The following TDRD1 variants were observed in gnomAD, a reference collection of about 807,000 sequenced individuals.
The protein encoded by TDRD1 is tudor domain containing 1.
In TDRD1, 37 loss-of-function variants were observed where a neutral mutation model predicts 140.6. The observed-to-expected ratio is 0.26, with a 90% CI of 0.20 to 0.35. The LOEUF is 0.35. TDRD1 is among the 10% of genes least tolerant of loss of function. The pLI is 1.00. For synonymous variants in TDRD1, 506 were observed against 475.7 expected (o/e 1.06, Z -0.83); for missense variants, 1,243 against 1,393.0 (o/e 0.89, Z 1.71).
intron 22 of TDRD1, 71 bp downstream of exon 22, chr10:114,226,287 C>G: frequency 9.0e-7 from 1 of 1,108,326 alleles, no homozygotes; most frequent in South Asian, 1.5e-5. Flanking sequence ...TTTCATAGCT[C>G]TAAGTCGGAA....
chr10:114,225,398 G>A (rs2036376674), intron 21 of TDRD1, among the ~76,000 whole-genome samples: 1 of 152,138 alleles, frequency 6.6e-6, no homozygotes, highest in African/African-American at 2.4e-5. Context: ...TTCAGGGGTT[G>A]GGGATTTGTG....
chr10:114,200,425 T>C (rs933770856), intron 4 of TDRD1, among the ~76,000 whole-genome samples: 7 of 152,208 alleles, frequency 4.6e-5, no homozygotes, highest in African/African-American at 1.7e-4. Flanking sequence ...GCATGAACAC[T>C]GATGGGATTT....
chr10:114,187,594 G>T (rs866428339), intron 1 of TDRD1, among the ~76,000 whole-genome samples: 4 of 152,142 alleles, frequency 2.6e-5, no homozygotes, highest in African/African-American at 7.2e-5. Context: ...TGAGATTTTT[G>T]ATTTTTCATG....
At chr10:114,198,144 C>T (rs750137758) in intron 3 of TDRD1, among the ~76,000 whole-genome samples, 1 of 152,158 alleles carries the variant, frequency 6.6e-6, no homozygotes, top group Admixed American at 6.5e-5. Context: ...CAACTAATTG[C>T]TTTCTGGCTG....
rs571549953 is a variant in TDRD1 at position 114,210,390 on chromosome 10, A to G, written c.1385-191A>G. ...TCTTGGACCAGTCTAGCTTTTGGTG[A>G]CATCGAAAACTGAGCTTATTATAAA... On this transcript the variant is annotated intron_variant, in intron 11 of 25. Coordinates refer to ENST00000251864, the Ensembl canonical transcript of TDRD1. Among the ~76,000 whole-genome samples, 3 of 152,342 alleles carry G rather than the reference A, an allele frequency of 2.0e-5. No homozygotes were observed. The East Asian group carries it at 5.8e-4, about 29-fold the overall frequency.
intron 1 of TDRD1, among the ~76,000 whole-genome samples, chr10:114,184,041 ATATATACT>A (rs1210381590): frequency 6.6e-6 from 1 of 152,186 alleles, no homozygotes; most frequent in Admixed American, 6.5e-5. Flanking sequence ...AACCCCATAG[ATATATACT>A]TATATATTTC....
chr10:114,206,213 A>G (rs369805649), intron 10 of TDRD1, 31 bp from the exon 11 acceptor site: 9 of 1,492,388 alleles, frequency 6.0e-6, no homozygotes, highest in South Asian at 3.4e-5. Flanking sequence ...TAGTTTCTCA[A>G]TGGAGGCATA....
intron 17 of TDRD1, among the ~76,000 whole-genome samples, chr10:114,218,175 T>C (rs1275630327): frequency 6.6e-6 from 1 of 152,226 alleles, no homozygotes; most frequent in Non-Finnish European, 1.5e-5. Flanking sequence ...AATGAAATCT[T>C]TAATTCATAT....
chr10:114,198,044 A>G (rs1246522378), intron 3 of TDRD1, among the ~76,000 whole-genome samples: 1 of 152,032 alleles, frequency 6.6e-6, no homozygotes, highest in Non-Finnish European at 1.5e-5. Context: ...CGGGGGGTAT[A>G]TGTCCAGGTT....
At chr10:114,209,620 A>T (rs931945485) in intron 11 of TDRD1, among the ~76,000 whole-genome samples, 1 of 152,232 alleles carries the variant, frequency 6.6e-6, no homozygotes, top group Non-Finnish European at 1.5e-5. Flanking sequence ...ATCCATTTCA[A>T]TGGGATTTCT....
At chr10:114,216,787 C>T (rs984341396) in intron 16 of TDRD1, among the ~76,000 whole-genome samples, 11 of 152,312 alleles carry the variant, frequency 7.2e-5, no homozygotes, top group South Asian at 2.1e-4. Flanking sequence ...TGTCCTTAAA[C>T]TTTATTTAGC....
intron 1 of TDRD1, among the ~76,000 whole-genome samples, chr10:114,180,868 ATC>A (rs1319256357): frequency 1.3e-5 from 2 of 152,248 alleles, no homozygotes; most frequent in African/African-American, 4.8e-5. Flanking sequence ...ACAGCTGAGT[ATC>A]TGTGCATACA....
intron 8 of TDRD1, 60 bp downstream of exon 8, chr10:114,203,627 GAACACCAGAGC>G (rs1378875350): frequency 4.5e-5 from 64 of 1,431,394 alleles, no homozygotes; most frequent in Middle Eastern, 1.8e-4. Flanking sequence ...CGTATGAACT[GAACACCAGAGC>G]TTTTAATGAT....
At chr10:114,187,862 T>C (rs1158863566) in exon 2 of TDRD1, 1 of 1,601,388 alleles carries the variant, frequency 6.2e-7, no homozygotes, top group Non-Finnish European at 8.5e-7. Flanking sequence ...TAATGTGATG[T>C]CAAGAAATAA....
chr10:114,182,461 C>T (rs752849968), intron 1 of TDRD1, among the ~76,000 whole-genome samples: 2 of 152,102 alleles, frequency 1.3e-5, no homozygotes, highest in Non-Finnish European at 2.9e-5. Context: ...GAGTCTAACG[C>T]GGATGTTGTT....
At chr10:114,221,111 A>G (rs759416626) in intron 19 of TDRD1, among the ~76,000 whole-genome samples, 13 of 152,242 alleles carry the variant, frequency 8.5e-5, no homozygotes, top group Non-Finnish European at 1.6e-4. Context: ...ATGGAAATAT[A>G]CAGAAATAAA....
intron 9 of TDRD1, among the ~76,000 whole-genome samples, chr10:114,204,443 T>A (rs1276421967): frequency 2.6e-5 from 4 of 152,196 alleles, no homozygotes; most frequent in African/African-American, 2.4e-5. Flanking sequence ...AAATAATCAT[T>A]TCTATATTAT....
chr10:114,179,325 C>G (rs1464747583), exon 1 of TDRD1: 3 of 152,706 alleles, frequency 2.0e-5, no homozygotes, highest in African/African-American at 7.2e-5. Context: ...CAGGGCGCAT[C>G]CCAGGCGGCA....
At chr10:114,188,654 C>T (rs945524523) in intron 2 of TDRD1, among the ~76,000 whole-genome samples, 3 of 152,130 alleles carry the variant, frequency 2.0e-5, no homozygotes, top group East Asian at 1.9e-4. Flanking sequence ...GTCAGGAGTT[C>T]GAGACCAGCT....
Sources: allele counts gnomAD v4.1 joint callset (sites outside exome capture counted in the v4.1 genomes callset), GRCh38; gene constraint gnomAD v4.1.1; transcripts MANE v1.5; gene names NCBI Gene and HGNC (gene_info 2026-07-23, HGNC 2026-07-21).